The following ZNF782 variants were observed in gnomAD, a reference collection of about 807,000 sequenced individuals.
ZNF782 encodes zinc finger protein 782.
ZNF782 carries 12 observed loss-of-function variants against 13.0 expected under a neutral mutation model. That is an observed-to-expected ratio of 0.92 (90% CI 0.59 to 1.50). The LOEUF is 1.50. ZNF782 is among the 40% of genes most tolerant of loss of function. ZNF782 has a pLI of 0.00. For synonymous variants in ZNF782, 284 were observed against 283.0 expected (o/e 1.00, Z -0.04); for missense variants, 770 against 822.9 (o/e 0.94, Z 0.79).
intron 1 of ZNF782, among the ~76,000 whole-genome samples, chr9:96,866,976 A>G (rs1197422230): frequency 6.6e-6 from 1 of 152,100 alleles, no homozygotes; most frequent in African/African-American, 2.4e-5. Flanking sequence ...GAAGTAACTA[A>G]TTTGCTTTGG....
At chr9:96,918,838 C>G in the ZNF782 span, 1 of 171,290 alleles carries the variant, frequency 5.8e-6, no homozygotes, top group Non-Finnish European at 1.2e-5. Flanking sequence ...TGTATTGAGA[C>G]AAAGGAAAGG....
chr9:96,870,051 T>G (rs1851806346), intron 1 of ZNF782, among the ~76,000 whole-genome samples: 1 of 152,152 alleles, frequency 6.6e-6, no homozygotes, highest in African/African-American at 2.4e-5. Flanking sequence ...AGTTCCCCCT[T>G]TGCTCCAGCA....
At chr9:96,917,887 C>CGCGTGTGTGTGT in the ZNF782 span, among the ~76,000 whole-genome samples, 2 of 121,682 alleles carry the variant, frequency 1.6e-5, no homozygotes, top group African/African-American at 7.2e-5. Context: ...CCACCCTTGG[C>CGCGTGTGTGTGT]GTGTGTGTGT....
At chr9:96,912,732 T>C in the ZNF782 span, among the ~76,000 whole-genome samples, 2 of 151,024 alleles carry the variant, frequency 1.3e-5, no homozygotes, top group Non-Finnish European at 3.0e-5. Flanking sequence ...TTTCACCATG[T>C]TGGCCAGGCT....
chr9:96,826,081 T>C (rs1441071356), intron 5 of ZNF782, among the ~76,000 whole-genome samples: 5 of 152,232 alleles, frequency 3.3e-5, no homozygotes, highest in Admixed American at 2.0e-4. Context: ...ATCATGCTGT[T>C]ATAAAGACAC....
At chr9:96,827,513 TG>T (rs950686073) in intron 4 of ZNF782, among the ~76,000 whole-genome samples, 88 of 152,180 alleles carry the variant, frequency 5.8e-4, no homozygotes, top group African/African-American at 2.1e-3. Context: ...AAAGTTTTTT[TG>T]TAAAGATAGA....
In ZNF782 at chr9:96,818,936, C is replaced by G. The variant is rs1850296866; in HGVS notation, c.1087G>C (p.Ala363Pro). The G allele has an allele frequency of 6.2e-7, 1 of 1,614,156 alleles. No homozygotes were observed. Among genetic ancestry groups the G allele is most frequent in the Non-Finnish European group, 8.5e-7 (1 of 1,180,026 alleles). Residue 363 changes from alanine to proline, a missense_variant, in exon 6 of 6, where the codon GCA becomes CCA. Coordinates refer to ENST00000481138, the MANE Select transcript of ZNF782 (RefSeq NM_001001662.3). Reference protein sequence around the residue: ...FSVHQKVHIRAKPYEYNECGK... With the variant: ...FSVHQKVHIRPKPYEYNECGK... ...CATTCATTATACTCATAGGGTTTTG[C>G]CCTTATGTGAACCTTCTGATGTACA...
intron 4 of ZNF782, among the ~76,000 whole-genome samples, chr9:96,841,599 C>T (rs984653774): frequency 6.6e-6 from 1 of 151,906 alleles, no homozygotes; most frequent in South Asian, 2.1e-4. Context: ...AAGTCTATTA[C>T]ATTAATGGAG....
chr9:96,915,407 C>T, the ZNF782 span, among the ~76,000 whole-genome samples: 1 of 141,168 alleles, frequency 7.1e-6, no homozygotes, highest in Non-Finnish European at 1.5e-5. Context: ...GGCCGGGCAC[C>T]GTGGCTCATA....
At chr9:96,888,039 G>T in the ZNF782 span, 1 of 105,798 alleles carries the variant, frequency 9.5e-6, no homozygotes, top group Non-Finnish European at 1.8e-5. Context: ...GAGGGGGGAG[G>T]GATAGCATTT....
intron 4 of ZNF782, among the ~76,000 whole-genome samples, chr9:96,828,135 C>A (rs1442960991): frequency 2.0e-5 from 3 of 152,068 alleles, no homozygotes; most frequent in African/African-American, 4.8e-5. Flanking sequence ...TAGGAAAAGA[C>A]CAGTGAAAAA....
chr9:96,856,523 G>T (rs924996890), upstream of ZNF782, among the ~76,000 whole-genome samples: 2 of 152,190 alleles, frequency 1.3e-5, no homozygotes, highest in Non-Finnish European at 2.9e-5. Flanking sequence ...TCAGTCTTAG[G>T]ACAACAATGA....
intron 4 of ZNF782, among the ~76,000 whole-genome samples, chr9:96,840,487 T>G (rs772058538): frequency 9.9e-5 from 15 of 151,984 alleles, no homozygotes; most frequent in Non-Finnish European, 1.9e-4. Flanking sequence ...TCAAAAAAAT[T>G]ACAATTTTTT....
chr9:96,819,136 T>C lies in ZNF782; in HGVS notation c.887A>G (p.Gln296Arg). ...KTLTGGKSFS[Q>R]KSHIREHHRV... ...ATGATGTTCTCTAATGTGTGACTTT[T>C]GGCTGAAGGATTTCCCTCCTGTGAG... The change falls in exon 6 of 6, where the codon CAA becomes CGA. Residue 296 changes from glutamine (Q) to arginine (R), a missense_variant. Gln to Arg is a conservative substitution (Grantham distance 43). Transcript: ENST00000481138. 6.2e-7 allele frequency: 1 copy of C among 1,613,792 alleles called. No individual in the cohort carries two copies. The highest frequency in any genetic ancestry group is 8.5e-7 in the Non-Finnish European group (1 of 1,179,876).
intron 3 of ZNF782, 130 bp from the exon 4 acceptor site, chr9:96,845,146 C>T (rs1270356596): frequency 9.0e-7 from 1 of 1,115,412 alleles, no homozygotes; most frequent in Non-Finnish European, 1.3e-6. Flanking sequence ...CTTATTAAGG[C>T]CCTAATTCTG....
chr9:96,819,659 G>A lies in ZNF782; in HGVS notation c.364C>T (p.His122Tyr). Residue 122 changes from histidine to tyrosine, a missense_variant, in exon 6 of 6, where the codon CAT becomes TAT. His to Tyr is a moderately conservative substitution (Grantham distance 83). Coordinates refer to ENST00000481138, the MANE Select transcript of ZNF782 (RefSeq NM_001001662.3). ...CGAAAAATGTTTATGTCTCGATTAT[G>A]TGGTTTTCCTGAAATTTCTTGCTCT... ...TTEQEISGKPHNRDINIFRAR... is the reference protein window; with the variant it reads ...TTEQEISGKPYNRDINIFRAR... 3 of 1,613,362 alleles carry A rather than the reference G, an allele frequency of 1.9e-6. No homozygotes were observed. The highest frequency in any genetic ancestry group is 2.5e-6 in the Non-Finnish European group (3 of 1,179,380).
chr9:96,832,560 G>C (rs1850840625), intron 4 of ZNF782, among the ~76,000 whole-genome samples: 1 of 152,098 alleles, frequency 6.6e-6, no homozygotes, highest in Admixed American at 6.6e-5. Context: ...CTTCATCTGA[G>C]AATGTCTCAA....
At position 96,818,309 on chromosome 9, in the gene ZNF782, T is replaced by C; in HGVS notation, c.1714A>G (p.Ser572Gly). 1 of 1,614,212 alleles carries C rather than the reference T, an allele frequency of 6.2e-7. No individual in the cohort carries two copies. The highest frequency in any genetic ancestry group is 8.5e-7 in the Non-Finnish European group (1 of 1,180,030). ...YKCNHCGEAF[S>G]QKSNLRVHHR... ...TGTACTCTGAGGTTTGATTTCTGAC[T>C]GAAAGCTTCCCCACAATGATTACAT... Residue 572 changes from serine to glycine, a missense_variant, in exon 6 of 6, where the codon AGT (serine) becomes GGT (glycine). By Grantham distance (56) the Ser-to-Gly change is moderately conservative (BLOSUM62 0). Coordinates refer to ENST00000481138, the MANE Select transcript of ZNF782 (RefSeq NM_001001662.3).
chr9:96,901,676 T>C, the ZNF782 span, among the ~76,000 whole-genome samples: 2 of 151,336 alleles, frequency 1.3e-5, no homozygotes, highest in Admixed American at 1.3e-4. Context: ...TCTGTATATC[T>C]AGCCTAGCCA....
Sources: gnomAD v4.1 joint callset for allele counts (sites outside exome capture counted in the v4.1 genomes callset) on GRCh38, gnomAD v4.1.1 for gene constraint, MANE v1.5 for transcripts, NCBI Gene and HGNC (gene_info 2026-07-23, HGNC 2026-07-21) for gene names.